The following WDR41 variants were observed in gnomAD, a reference collection of about 807,000 sequenced individuals.
WDR41 encodes WD repeat domain 41.
WDR41 carries 63 observed loss-of-function variants against 69.3 expected under a neutral mutation model. The ratio of observed to expected loss-of-function variants is 0.91; its 90% CI spans 0.74 to 1.12. The LOEUF (loss-of-function observed/expected upper bound fraction) is 1.12. WDR41 is among the 50% of genes most tolerant of loss of function. The pLI is 0.00. For synonymous variants in WDR41, 185 were observed against 192.1 expected (o/e 0.96, Z 0.31); for missense variants, 543 against 534.5 (o/e 1.02, Z -0.16).
At chr5:77,583,179 C>A (rs1743972444) in intron 1 of WDR41, 1 of 835,298 alleles carries the variant, frequency 1.2e-6, no homozygotes, top group Non-Finnish European at 1.9e-6. Flanking sequence ...TACCTGCTCT[C>A]AAATTGAAAT....
chr5:77,444,398 T>C (rs551237696), intron 8 of WDR41, among the ~76,000 whole-genome samples: 1 of 152,306 alleles, frequency 6.6e-6, no homozygotes, highest in African/African-American at 2.4e-5. Flanking sequence ...GCTGGCAACA[T>C]AATACAAGAA....
At chr5:77,603,387 G>A (rs1281783182) in intron 1 of WDR41, among the ~76,000 whole-genome samples, 1 of 152,116 alleles carries the variant, frequency 6.6e-6, no homozygotes, top group Non-Finnish European at 1.5e-5. Flanking sequence ...GTCTATTCAT[G>A]TCCTTTGCCC....
chr5:77,479,360 A>T (rs374443062), intron 2 of WDR41, among the ~76,000 whole-genome samples: 1 of 152,104 alleles, frequency 6.6e-6, no homozygotes, highest in Non-Finnish European at 1.5e-5. Context: ...AGCCCGCATC[A>T]CCAAGTCAAT....
intron 1 of WDR41, among the ~76,000 whole-genome samples, chr5:77,602,621 C>T (rs558869098): frequency 5.3e-5 from 8 of 152,218 alleles, no homozygotes; most frequent in South Asian, 2.1e-4. Context: ...CCATTGTGTA[C>T]ATATAGCACA....
chr5:77,494,291 T>G (rs1373039980), upstream of WDR41, among the ~76,000 whole-genome samples: 1 of 151,314 alleles, frequency 6.6e-6, no homozygotes, highest in Non-Finnish European at 1.5e-5. Flanking sequence ...AGAAAACAAA[T>G]AGAAAAATAG....
intron 1 of WDR41, among the ~76,000 whole-genome samples, chr5:77,602,889 A>G (rs1167515439): frequency 4.6e-5 from 7 of 150,822 alleles, no homozygotes; most frequent in Non-Finnish European, 8.8e-5. Flanking sequence ...CCAACCATCT[A>G]TAAGAGTTCC....
chr5:77,474,590 C>G (rs527884519), intron 2 of WDR41, among the ~76,000 whole-genome samples: 1 of 152,244 alleles, frequency 6.6e-6, no homozygotes, highest in Non-Finnish European at 1.5e-5. Flanking sequence ...GCAACCAATT[C>G]CTTAATTAGA....
intron 1 of WDR41, among the ~76,000 whole-genome samples, chr5:77,529,137 A>G (rs1802488781): frequency 6.6e-6 from 1 of 151,606 alleles, no homozygotes; most frequent in African/African-American, 2.4e-5. Context: ...CATATAAAAT[A>G]CAAAATAATC....
rs529553690 is a variant in WDR41 at position 77,527,233 on chromosome 5, C to G, written c.43-37661G>C. Reference sequence around the variant, plus strand: ...CCAGATTTTTAAAAAAAATCTAATTCTGTATTGTTCAAAAAAGATACACAT... The same window carrying G: ...CCAGATTTTTAAAAAAAATCTAATTGTGTATTGTTCAAAAAAGATACACAT... On this transcript the variant is annotated intron_variant, in intron 1 of 5. Transcript: ENST00000509971. Among the ~76,000 whole-genome samples, 7 of 151,840 alleles carry G rather than the reference C, an allele frequency of 4.6e-5. No homozygotes were observed. In the South Asian group the frequency reaches 1.5e-3, roughly 32 times the overall value.
chr5:77,471,142 A>G (rs1800586966), intron 2 of WDR41, among the ~76,000 whole-genome samples: 1 of 152,242 alleles, frequency 6.6e-6, no homozygotes, highest in East Asian at 1.9e-4. Flanking sequence ...CCGTTCAACT[A>G]CATGGAAACT....
chr5:77,593,186 G>A (rs1224917163), intron 1 of WDR41, among the ~76,000 whole-genome samples: 4 of 152,154 alleles, frequency 2.6e-5, no homozygotes, highest in Non-Finnish European at 4.4e-5. Flanking sequence ...GTAGGCAGGT[G>A]CCAGATTACA....
chr5:77,604,790 T>C (rs1291853179), intron 1 of WDR41, among the ~76,000 whole-genome samples: 1 of 152,082 alleles, frequency 6.6e-6, no homozygotes, highest in Non-Finnish European at 1.5e-5. Flanking sequence ...ATACATGAAA[T>C]ACTACATAAC....
chr5:77,465,057 A>G (rs1800245395), intron 2 of WDR41, among the ~76,000 whole-genome samples: 2 of 152,240 alleles, frequency 1.3e-5, no homozygotes, highest in Admixed American at 6.5e-5. Context: ...AATAATCTTT[A>G]AAGTCCTTCT....
intron 1 of WDR41, among the ~76,000 whole-genome samples, chr5:77,534,591 G>A (rs376706150): frequency 2.0e-5 from 3 of 151,886 alleles, no homozygotes; most frequent in East Asian, 1.9e-4. Flanking sequence ...GCACCACCAC[G>A]CCTGGCTAAT....
chr5:77,615,946 T>A (rs1004944738), intron 1 of WDR41, among the ~76,000 whole-genome samples: 2 of 151,766 alleles, frequency 1.3e-5, no homozygotes, highest in Non-Finnish European at 2.9e-5. Context: ...TGAGGCGAGA[T>A]CACACCACTG....
intron 2 of WDR41, among the ~76,000 whole-genome samples, chr5:77,478,565 A>C (rs1801075199): frequency 6.6e-6 from 1 of 152,198 alleles, no homozygotes; most frequent in Non-Finnish European, 1.5e-5. Flanking sequence ...ACAGAACCAA[A>C]GACAAAAACC....
intron 4 of WDR41, among the ~76,000 whole-genome samples, chr5:77,460,477 G>A (rs985767631): frequency 1.3e-5 from 2 of 152,068 alleles, no homozygotes; most frequent in African/African-American, 4.8e-5. Flanking sequence ...TTAATATTCA[G>A]TAACCTGAGC....
At chr5:77,485,107 G>A (rs1801454229) in intron 2 of WDR41, among the ~76,000 whole-genome samples, 1 of 152,202 alleles carries the variant, frequency 6.6e-6, no homozygotes, top group Non-Finnish European at 1.5e-5. Flanking sequence ...CAGAGTCTGA[G>A]ACAGCTCCCC....
chr5:77,502,352 C>T (rs1007721789), intron 1 of WDR41, among the ~76,000 whole-genome samples: 7 of 151,826 alleles, frequency 4.6e-5, no homozygotes, highest in South Asian at 4.2e-4. Flanking sequence ...CCAAAGCCTC[C>T]GAGAAATATG....
Sources: gnomAD v4.1 joint callset for allele counts (sites outside exome capture counted in the v4.1 genomes callset) on GRCh38, gnomAD v4.1.1 for gene constraint, MANE v1.5 for transcripts, NCBI Gene and HGNC (gene_info 2026-07-23, HGNC 2026-07-21) for gene names.